C19orf47: variants seen among roughly 807,000 people sequenced by gnomAD.
C19orf47 encodes the protein chromosome 19 open reading frame 47.
A neutral mutation model predicts 32.3 loss-of-function variants in C19orf47; 18 were observed. The observed-to-expected ratio is 0.56, with a 90% CI of 0.39 to 0.83. C19orf47 has a LOEUF of 0.83. Among genes scored for constraint, C19orf47 ranks in the 40% least tolerant of loss-of-function variants. The pLI, the probability that C19orf47 is intolerant of heterozygous loss-of-function variation, is 0.00. For synonymous variants in C19orf47, 202 were observed against 211.1 expected, an observed-to-expected ratio of 0.96 and a Z score of 0.37; for missense variants, 484 against 531.6, an observed-to-expected ratio of 0.91 and a Z score of 0.88.
downstream of C19orf47, among the ~76,000 whole-genome samples, chr19:40,316,934 T>C (rs2077665979): frequency 6.9e-6 from 1 of 144,850 alleles, no homozygotes; most frequent in Non-Finnish European, 1.5e-5. Flanking sequence ...ATGGATCCTA[T>C]ATGCTCCTCT....
Position 40,342,255 on chromosome 19 carries a change from G to A in C19orf47, c.-33-365C>T, listed in dbSNP as rs1458944462. 2.8e-5 allele frequency: 7 copies of A among 248,600 alleles called. No individual in the cohort carries two copies. The South Asian group carries it at 3.6e-4, about 13-fold the overall frequency. The allele number at this position is 248,600 out of a possible 1,614,324, so 15.4% of individuals were successfully genotyped here. On this transcript the variant is annotated intron_variant, in intron 1 of 8. Transcript: ENST00000683109. Reference sequence around the variant, plus strand: ...AATCCCAGGACTTTGGGAGGCCAAGGTGGGAGGATTACTTGAAGCCAGGAG... The same window carrying A: ...AATCCCAGGACTTTGGGAGGCCAAGATGGGAGGATTACTTGAAGCCAGGAG...
chr19:40,338,129 C>T (rs2078101744), intron 2 of C19orf47, among the ~76,000 whole-genome samples: 1 of 151,812 alleles, frequency 6.6e-6, no homozygotes, highest in Non-Finnish European at 1.5e-5. Context: ...GGCCAGAGTG[C>T]AGTGGCGCAA....
intron 6 of C19orf47, 112 bp from the exon 7 acceptor site, chr19:40,326,598 T>A: frequency 7.6e-7 from 1 of 1,307,526 alleles, no homozygotes; most frequent in Non-Finnish European, 1.0e-6. Context: ...TGGAATCCCT[T>A]ACCTTCCCAA....
chr19:40,328,893 C>T (rs566943384), intron 5 of C19orf47, among the ~76,000 whole-genome samples: 2 of 152,254 alleles, frequency 1.3e-5, no homozygotes, highest in South Asian at 2.1e-4. Context: ...CCAGGATCTT[C>T]CTCACCTAGC....
intron 8 of C19orf47, 152 bp from the exon 9 acceptor site, chr19:40,322,528 G>C (rs2077742790): frequency 2.9e-6 from 3 of 1,046,902 alleles, no homozygotes; most frequent in Non-Finnish European, 4.0e-6. Flanking sequence ...GCCATGATGG[G>C]GGAGTCCAGG....
chr19:40,315,438 G>A (rs1399076141), downstream of C19orf47, among the ~76,000 whole-genome samples: 1 of 151,984 alleles, frequency 6.6e-6, no homozygotes, highest in African/African-American at 2.4e-5. Flanking sequence ...TTGAGCTCAG[G>A]AATCTGAGAC....
chr19:40,298,347 C>A, the C19orf47 span, among the ~76,000 whole-genome samples: 1 of 150,428 alleles, frequency 6.6e-6, no homozygotes, highest in Non-Finnish European at 1.5e-5. Flanking sequence ...TTATAAATAG[C>A]TCTTTAAAAC....
intron 1 of C19orf47, among the ~76,000 whole-genome samples, chr19:40,345,049 T>C (rs1342206131): frequency 2.0e-5 from 3 of 152,268 alleles, no homozygotes; most frequent in South Asian, 2.1e-4. Flanking sequence ...TTCATGCTGA[T>C]TGAGGGATTA....
At chr19:40,297,080 A>C in the C19orf47 span, among the ~76,000 whole-genome samples, 1 of 152,220 alleles carries the variant, frequency 6.6e-6, no homozygotes, top group East Asian at 1.9e-4. Context: ...ATGCTTTTCA[A>C]GTTCACATGA....
At chr19:40,315,883 G>T (rs781274072), downstream of C19orf47, among the ~76,000 whole-genome samples, 3 of 152,080 alleles carry the variant, frequency 2.0e-5, no homozygotes, top group Non-Finnish European at 4.4e-5. Context: ...ACTTGAGCCT[G>T]GTAGGTGGAG....
At chr19:40,341,666 G>T in intron 2 of C19orf47, 173 bp downstream of exon 2, 1 of 868,122 alleles carries the variant, frequency 1.2e-6, no homozygotes, top group Non-Finnish European at 1.7e-6. Flanking sequence ...ATCCAGTGAT[G>T]AGGCGGGCAG....
At chr19:40,347,855 A>T (rs1411893488) in intron 1 of C19orf47, among the ~76,000 whole-genome samples, 1 of 151,996 alleles carries the variant, frequency 6.6e-6, no homozygotes, top group East Asian at 1.9e-4. Flanking sequence ...CTTTACACAC[A>T]CAGATTTCAT....
At chr19:40,298,531 A>T in the C19orf47 span, among the ~76,000 whole-genome samples, 1 of 152,240 alleles carries the variant, frequency 6.6e-6, no homozygotes, top group Admixed American at 6.5e-5. Context: ...TTGGGTCCAT[A>T]GGTAAACATG....
downstream of C19orf47, among the ~76,000 whole-genome samples, chr19:40,316,720 C>T (rs73557743): frequency 9.3e-4 from 141 of 152,288 alleles, no homozygotes; most frequent in African/African-American, 3.0e-3. Flanking sequence ...AGATCTGCAA[C>T]GGACTCATCA....
At chr19:40,312,729 G>C in the C19orf47 span, among the ~76,000 whole-genome samples, 4 of 152,178 alleles carry the variant, frequency 2.6e-5, no homozygotes, top group Non-Finnish European at 4.4e-5. Flanking sequence ...GGTATCTGAG[G>C]AAGTTTTAAG....
At chr19:40,302,898 T>A in the C19orf47 span, among the ~76,000 whole-genome samples, 1 of 152,136 alleles carries the variant, frequency 6.6e-6, no homozygotes, top group Non-Finnish European at 1.5e-5. Flanking sequence ...AGACTTCAGA[T>A]AAATCACCAC....
At chr19:40,322,766 T>C (rs2077747827) in intron 8 of C19orf47, among the ~76,000 whole-genome samples, 1 of 152,222 alleles carries the variant, frequency 6.6e-6, no homozygotes. Context: ...TTCTATATTG[T>C]ACCTGGTCCT....
the C19orf47 span, among the ~76,000 whole-genome samples, chr19:40,303,928 T>C: frequency 6.6e-6 from 1 of 151,142 alleles, no homozygotes; most frequent in East Asian, 2.0e-4. Context: ...TGATCCAGCA[T>C]CTAGAAATCA....
chr19:40,336,634 T>G (rs966533283), intron 2 of C19orf47, among the ~76,000 whole-genome samples: 58 of 152,282 alleles, frequency 3.8e-4, no homozygotes, highest in Admixed American at 2.3e-3. Context: ...AGGGAAAGGT[T>G]GGGCAACCCA....
Sources: allele counts gnomAD v4.1 joint callset (sites outside exome capture counted in the v4.1 genomes callset), GRCh38; gene constraint gnomAD v4.1.1; transcripts MANE v1.5; gene names NCBI Gene and HGNC (gene_info 2026-07-23, HGNC 2026-07-21).